The following TBR1 variants were observed in gnomAD, a reference collection of about 807,000 sequenced individuals.
The protein encoded by TBR1 is T-box brain protein 1.
A neutral mutation model predicts 60.3 loss-of-function variants in TBR1; 7 were observed. The observed-to-expected ratio is 0.12, with a 90% CI of 0.07 to 0.22. The LOEUF (loss-of-function observed/expected upper bound fraction) is 0.22. TBR1 is among the 10% of genes least tolerant of loss of function. The probability of loss-of-function intolerance (pLI) is 1.00; values close to 1 mark genes in which losing one functional copy is unlikely to be tolerated. For synonymous variants in TBR1, 417 were observed against 409.9 expected (o/e 1.02, Z -0.21); for missense variants, 616 against 936.8 (o/e 0.66, Z 4.47).
In TBR1 at chr2:161,418,096, A is replaced by ATGTGTGTGTATGTGTG. The variant is rs1553510357; in HGVS notation, c.848-96_848-95insATGTGTGTGTGTGTGT. 2.8e-6 allele frequency: 4 copies of ATGTGTGTGTATGTGTG among 1,413,536 alleles called. No individual in the cohort carries two copies. The East Asian group carries it at 1.0e-4, about 36-fold the overall frequency. The allele number at this position is 1,413,536 out of a possible 1,614,324, so 87.6% of individuals were successfully genotyped here. A position where few individuals can be genotyped will look rare whatever the true frequency, so the allele number is the denominator to read the frequency against. ...CTTCATGGTGGAGTAAGGTGTGTGT[A>ATGTGTGTGTATGTGTG]TGTGTGTGTGTGTGTGTGTGTGTGT... On this transcript the variant is annotated intron_variant, in intron 2 of 5. Coordinates refer to ENST00000389554, the MANE Select transcript of TBR1 (RefSeq NM_006593.4).
chr2:161,423,197 A>G (rs1222429162), intron 5 of TBR1, 172 bp from the exon 6 acceptor site: 1 of 469,360 alleles, frequency 2.1e-6, no homozygotes, highest in East Asian at 3.4e-5. Context: ...TGGGAATGAT[A>G]GAGGTCTGTG....
At chr2:161,419,809 G>GT (rs1243385798) in intron 4 of TBR1, 1 of 153,398 alleles carries the variant, frequency 6.5e-6, no homozygotes, top group Non-Finnish European at 1.5e-5. Flanking sequence ...AGCGACAAAC[G>GT]TTTTAAAATA....
chr2:161,423,882 C>T lies in TBR1; in HGVS notation c.1704C>T (p.Ser568=). The change falls in exon 6 of 6, where the codon AGC becomes AGT. Residue 568 remains serine (S), a synonymous_variant. Coordinates refer to ENST00000389554, the MANE Select transcript of TBR1 (RefSeq NM_006593.4). ...CGGTGCTGCCCTGCTGGCCCAACAG[C>T]GCCGCGGCCGCCGCGCGCATGGCCG... is the stretch of plus-strand genomic sequence containing the variant. ...SGSVLPCWPN[S]AAAAARMAGA... 1 of 1,370,380 alleles carries T rather than the reference C, an allele frequency of 7.3e-7. No individual in the cohort carries two copies. The highest frequency in any genetic ancestry group is 9.4e-7 in the Non-Finnish European group (1 of 1,065,796). 84.9% of individuals were successfully genotyped at this position (1,370,380 alleles called of 1,614,324 possible). A position where few individuals can be genotyped will look rare whatever the true frequency, so the allele number is the denominator to read the frequency against.
chr2:161,423,218 T>TTC, intron 5 of TBR1, 151 bp from the exon 6 acceptor site: 1 of 532,148 alleles, frequency 1.9e-6, no homozygotes, highest in Non-Finnish European at 3.2e-6. Context: ...GCCTCTTGTA[T>TTC]TCTCCAGGAA....
chr2:161,422,981 C>T, intron 5 of TBR1: 1 of 174,174 alleles, frequency 5.7e-6, no homozygotes, highest in Non-Finnish European at 1.2e-5. Flanking sequence ...CAAAGAGCAT[C>T]TTACTCCCTA....
At chr2:161,423,331 AC>A in intron 5 of TBR1, 37 bp from the exon 6 acceptor site, 1 of 554,280 alleles carries the variant, frequency 1.8e-6, no homozygotes, top group Non-Finnish European at 2.4e-6. Flanking sequence ...CCTCCGCGCC[AC>A]CCCTCGGCTC....
chr2:161,421,921 A>G (rs1684237990), intron 5 of TBR1: 1 of 129,242 alleles, frequency 7.7e-6, no homozygotes, highest in African/African-American at 3.2e-5. Flanking sequence ...ATCTTTCATA[A>G]AAGCTTCTTT....
At position 161,423,852 on chromosome 2, in the gene TBR1, G is replaced by T; in HGVS notation, c.1674G>T (p.Ser558=). Residue 558 remains serine, a synonymous_variant, in exon 6 of 6, where the codon TCG becomes TCT. Transcript: ENST00000389554. ...RSPPQYCGTK[S]GSVLPCWPNS... is the part of the protein sequence containing the mutation. Reference sequence around the variant, plus strand: ...CCCCGCAGTACTGCGGCACCAAGTCGGGCTCGGTGCTGCCCTGCTGGCCCA... The same window carrying T: ...CCCCGCAGTACTGCGGCACCAAGTCTGGCTCGGTGCTGCCCTGCTGGCCCA... 1 of 1,463,490 alleles carries T rather than the reference G, an allele frequency of 6.8e-7. No individual in the cohort carries two copies. The highest frequency in any genetic ancestry group is 9.0e-7 in the Non-Finnish European group (1 of 1,109,536). The allele number at this position is 1,463,490 out of a possible 1,614,324, so 90.7% of individuals were successfully genotyped here.
chr2:161,419,080 C>A, intron 4 of TBR1, 30 bp downstream of exon 4: 2 of 1,613,236 alleles, frequency 1.2e-6, no homozygotes, highest in South Asian at 1.1e-5. Context: ...GGGGGCGAGG[C>A]GGGCGGCACA....
In TBR1 at chr2:161,424,122, C is replaced by G. The variant is rs537048980; in HGVS notation, c.1944C>G (p.Ser648=). Residue 648 remains serine, a synonymous_variant, in exon 6 of 6, where the codon TCC becomes TCG. Transcript: ENST00000389554. This position sits in a 1 kb window ranked among gnomAD's most constrained non-coding sequence, Gnocchi z 4.4. The part of the protein sequence containing the change: ...RRISPADTPV[S]ESSSPLKSEV... ...TCTCGCCGGCCGACACGCCCGTGTC[C>G]GAGAGTTCGTCCCCGCTCAAGAGCG... is the stretch of plus-strand genomic sequence containing the variant. 3.9e-5 allele frequency: 63 copies of G among 1,612,608 alleles called. No homozygotes were observed. In the East Asian group the frequency reaches 1.2e-3, roughly 31 times the overall value.
rs771163190 is a variant in TBR1 at position 161,419,026 on chromosome 2, C to A, written c.1104C>A (p.Ala368=). 2 of 1,614,210 alleles carry A rather than the reference C, an allele frequency of 1.2e-6. No individual in the cohort carries two copies. The highest frequency in any genetic ancestry group is 1.7e-6 in the Non-Finnish European group (2 of 1,180,040). Reference sequence around the variant, plus strand: ...CTTTCCCTGAGACTCAGTTCATCGCCGTCACCGCCTACCAGAACACGGATG... The same window carrying A: ...CTTTCCCTGAGACTCAGTTCATCGCAGTCACCGCCTACCAGAACACGGATG... ...TFTFPETQFI[A]VTAYQNTDIT... Residue 368 remains alanine, a synonymous_variant, in exon 4 of 6, where the codon GCC becomes GCA. Coordinates refer to ENST00000389554, the MANE Select transcript of TBR1 (RefSeq NM_006593.4).
intron 4 of TBR1, 153 bp downstream of exon 4, chr2:161,419,203 C>A: frequency 9.0e-7 from 1 of 1,114,094 alleles, no homozygotes; most frequent in Non-Finnish European, 1.3e-6. Context: ...GGGCTCGGGG[C>A]CTGCCCACGG....
chr2:161,420,393 G>A (rs988402124), intron 5 of TBR1, 136 bp downstream of exon 5: 14 of 354,310 alleles, frequency 4.0e-5, no homozygotes, highest in African/African-American at 7.0e-5. Flanking sequence ...CTTCTTCTTC[G>A]TCTTTCTTCT....
rs1295450741 is a variant in TBR1 at position 161,425,559 on chromosome 2, AG to A, written c.*1334del. ...TTAATCCCCCTGGAAATAGATTAGT[AG>A]GATTTCTAATGTTGTGTAGCAAACC... On this transcript the variant is annotated 3_prime_UTR_variant, in exon 6 of 6. Transcript: ENST00000389554. 2 of 152,356 alleles carry A rather than the reference AG, an allele frequency of 1.3e-5. No homozygotes were observed. Among genetic ancestry groups the A allele is most frequent in the East Asian group, 1.9e-4 (1 of 5,190 alleles). 9.4% of individuals were successfully genotyped at this position (152,356 alleles called of 1,614,324 possible).
intron 2 of TBR1, 109 bp from the exon 3 acceptor site, chr2:161,418,092 G>A (rs1684162182): frequency 7.0e-7 from 1 of 1,436,786 alleles, no homozygotes. Flanking sequence ...AGTAAGGTGT[G>A]TGTATGTGTG....
In TBR1 at chr2:161,416,464, C is replaced by G. The variant is rs143667380; in HGVS notation, c.54C>G (p.Leu18=). Residue 18 remains leucine (L), a synonymous_variant, in exon 1 of 6, where the codon CTC becomes CTG. Coordinates refer to ENST00000389554, the MANE Select transcript of TBR1 (RefSeq NM_006593.4). The surrounding 1 kb of genome is among the most constrained non-coding windows in gnomAD (Gnocchi z 6.1). ...CTATCATGCTCTCCAAGAAATTTCT[C>G]AATGTGAGCAGCAGCTACCCACATT... ...SPSIMLSKKF[L]NVSSSYPHSG... is the part of the protein sequence containing the mutation. 464 of 1,612,534 alleles carry G rather than the reference C, an allele frequency of 2.9e-4. No individual in the cohort carries two copies. In the African/African-American group the frequency reaches 5.5e-3, roughly 19 times the overall value.
At chr2:161,422,584 C>G (rs1179980298) in intron 5 of TBR1, 2 of 152,156 alleles carry the variant, frequency 1.3e-5, no homozygotes, top group African/African-American at 4.8e-5. Flanking sequence ...GGTAACGGAC[C>G]AAAAGCTAGG....
chr2:161,420,097 A>G, intron 4 of TBR1, 99 bp from the exon 5 acceptor site: 3 of 843,450 alleles, frequency 3.6e-6, no homozygotes, highest in Non-Finnish European at 5.4e-6. Flanking sequence ...AATAAATTGT[A>G]GGCCTTAAGC....
Position 161,416,478 on chromosome 2 carries a change from G to A in TBR1, c.68G>A (p.Ser23Asn). 1.2e-6 allele frequency: 2 copies of A among 1,613,934 alleles called. No homozygotes were observed. The highest frequency in any genetic ancestry group is 1.1e-5 in the South Asian group (1 of 91,062). Residue 23 changes from serine (S) to asparagine (N), a missense_variant, in exon 1 of 6, where the codon AGC (serine) becomes AAC (asparagine). Physicochemically the swap from Ser to Asn is conservative, Grantham distance 46 (BLOSUM62 1). Coordinates refer to ENST00000389554, the MANE Select transcript of TBR1 (RefSeq NM_006593.4). This position sits in a 1 kb window ranked among gnomAD's most constrained non-coding sequence, Gnocchi z 6.1. ...AAGAAATTTCTCAATGTGAGCAGCA[G>A]CTACCCACATTCAGGCGGATCCGAG... ...LSKKFLNVSS[S>N]YPHSGGSELV...
Sources: allele counts gnomAD v4.1 joint callset, GRCh38; gene constraint gnomAD v4.1.1; non-coding constraint Gnocchi (gnomAD v3.1); transcripts MANE v1.5; gene names NCBI Gene and HGNC (gene_info 2026-07-23, HGNC 2026-07-21).